FRY: variants seen among roughly 807,000 people sequenced by gnomAD.
FRY encodes the protein FRY microtubule binding protein, also known as protein furry homolog.
In FRY, 128 loss-of-function variants were observed where a neutral mutation model predicts 348.4. The observed-to-expected ratio is 0.37, with a 90% CI of 0.32 to 0.43. The LOEUF (loss-of-function observed/expected upper bound fraction) is 0.43. Ranked by LOEUF, FRY falls within the 20% of genes least tolerant of loss-of-function variation. FRY has a pLI of 1.00. For missense variants in FRY, 2,736 were observed against 3,695.2 expected (o/e 0.74, Z 6.73); for synonymous variants, 1,370 against 1,374.7 (o/e 1.00, Z 0.08).
In FRY at chr13:32,210,958, C is replaced by T. The variant is rs780815545; in HGVS notation, c.4515C>T (p.Asn1505=). The T allele has an allele frequency of 2.2e-5, 35 of 1,613,798 alleles. No individual in the cohort carries two copies. The Admixed American group carries it at 5.8e-4, about 27-fold the overall frequency. ...AGCTGCAGCAGACAGAGCCCGTGAA[C>T]CCCATCGTCCAGCATTGTGACAACC... ...LFELQQTEPV[N]PIVQHCDNPP... is the part of the protein sequence containing the mutation. The change falls in exon 34 of 61, where the codon AAC becomes AAT. Residue 1505 remains asparagine, a synonymous_variant. Coordinates refer to ENST00000542859, the MANE Select transcript of FRY (RefSeq NM_023037.3).
intron 59 of FRY, among the ~76,000 whole-genome samples, chr13:32,290,905 T>C (rs1378410671): frequency 6.6e-6 from 1 of 151,868 alleles, no homozygotes; most frequent in Non-Finnish European, 1.5e-5. Flanking sequence ...GCACCAAAGC[T>C]GAAACAGGGA....
At chr13:32,079,399 G>A (rs1875332731) in intron 2 of FRY, among the ~76,000 whole-genome samples, 1 of 152,000 alleles carries the variant, frequency 6.6e-6, no homozygotes, top group African/African-American at 2.4e-5. Context: ...AAAATCTTTT[G>A]TCCAGTTTTT....
In FRY at chr13:32,077,585, G is replaced by A. The variant is rs141027366; in HGVS notation, c.71-1249G>A. On this transcript the variant is annotated intron_variant, in intron 1 of 60. Coordinates refer to ENST00000542859, the MANE Select transcript of FRY (RefSeq NM_023037.3). ...AGGGTAGGAAATGTGAGGGAGAGTC[G>A]TCTGTGTAACAATGGGGACATGTTT... Among the ~76,000 whole-genome samples, 1,368 of 152,296 alleles carry A rather than the reference G, an allele frequency of 9.0e-3. 11 individuals carry two copies. Among genetic ancestry groups the A allele is most frequent in the Middle Eastern group, 0.034 (10 of 294 alleles).
Position 32,183,050 on chromosome 13 carries a change from T to A in FRY, c.3054+16T>A, listed in dbSNP as rs748075781. The A allele has an allele frequency of 6.5e-7, 1 of 1,533,564 alleles. No individual in the cohort carries two copies. The highest frequency in any genetic ancestry group is 9.0e-7 in the Non-Finnish European group (1 of 1,108,926). The allele number at this position is 1,533,564 out of a possible 1,614,324, so 95.0% of individuals were successfully genotyped here. A position where few individuals can be genotyped will look rare whatever the true frequency, so the allele number is the denominator to read the frequency against. On this transcript the variant is annotated intron_variant, in intron 24 of 60. Coordinates refer to ENST00000542859, the MANE Select transcript of FRY (RefSeq NM_023037.3). ...AAGACCAGAGGTAAGAATTTGAATT[T>A]AAAAAATTAAGGCTTGGTTTTTTGG... is the stretch of plus-strand genomic sequence containing the variant.
At chr13:32,136,132 T>C (rs895178658) in intron 10 of FRY, among the ~76,000 whole-genome samples, 1 of 152,216 alleles carries the variant, frequency 6.6e-6, no homozygotes, top group African/African-American at 2.4e-5. Context: ...TTTTATTTCA[T>C]GGCCCTTGAT....
At chr13:32,161,604 G>T (rs755629691) in intron 17 of FRY, among the ~76,000 whole-genome samples, 2 of 152,140 alleles carry the variant, frequency 1.3e-5, no homozygotes, top group Non-Finnish European at 2.9e-5. Context: ...CCTCTCGAAG[G>T]GAAGGTAGAG....
chr13:32,291,685 C>T (rs989113575), intron 59 of FRY, among the ~76,000 whole-genome samples: 32 of 152,152 alleles, frequency 2.1e-4, no homozygotes, highest in Non-Finnish European at 2.2e-4. Flanking sequence ...TGTGAGCCAC[C>T]GTGCCCCGCC....
At chr13:32,260,826 A>C (rs1191299538) in intron 51 of FRY, among the ~76,000 whole-genome samples, 2 of 149,234 alleles carry the variant, frequency 1.3e-5, no homozygotes, top group Non-Finnish European at 3.0e-5. Flanking sequence ...GTCTCAAAAG[A>C]AAAAAACAAA....
At position 32,249,597 on chromosome 13, in the gene FRY, G is replaced by T; in HGVS notation, c.7080G>T (p.Met2360Ile). 1 of 1,614,184 alleles carries T rather than the reference G, an allele frequency of 6.2e-7. No individual in the cohort carries two copies. The highest frequency in any genetic ancestry group is 8.5e-7 in the Non-Finnish European group (1 of 1,180,020). The change falls in exon 49 of 61, where the codon ATG becomes ATT. Residue 2360 changes from methionine to isoleucine, a missense_variant. Physicochemically the swap from Met to Ile is conservative, Grantham distance 10 (BLOSUM62 1). Coordinates refer to ENST00000542859, the MANE Select transcript of FRY (RefSeq NM_023037.3). ...SSGRDGKPRA[M>I]AVTRSTSSTS... ...GGCGTGATGGGAAGCCCAGGGCCAT[G>T]GCCGTCACCCGGAGCACATCTTCCA...
intron 12 of FRY, 62 bp downstream of exon 12, chr13:32,147,447 T>G: frequency 2.3e-6 from 2 of 888,098 alleles, no homozygotes; most frequent in East Asian, 5.0e-5. Flanking sequence ...GGTGTTTCTT[T>G]TATTACTACC....
chr13:32,040,181 T>C (rs143919727), intron 1 of FRY, among the ~76,000 whole-genome samples: 48 of 152,208 alleles, frequency 3.2e-4, no homozygotes, highest in African/African-American at 1.2e-3. Context: ...TAAAATTCCA[T>C]TGGAATGTTA....
chr13:32,142,888 G>A (rs1439912167), intron 11 of FRY, among the ~76,000 whole-genome samples: 1 of 152,208 alleles, frequency 6.6e-6, no homozygotes, highest in African/African-American at 2.4e-5. Context: ...TTCAAGTAAA[G>A]GATGTCTGTT....
chr13:32,152,122 A>C (rs1308337943), intron 14 of FRY, among the ~76,000 whole-genome samples: 1 of 152,234 alleles, frequency 6.6e-6, no homozygotes, highest in Non-Finnish European at 1.5e-5. Context: ...CAAATAGTGA[A>C]GAGAAATAAC....
chr13:32,274,396 T>C (rs960842639), intron 55 of FRY, among the ~76,000 whole-genome samples: 6 of 152,104 alleles, frequency 3.9e-5, no homozygotes, highest in African/African-American at 1.4e-4. Context: ...AGTAAACATA[T>C]ACAATTTTTA....
At chr13:32,262,978 G>C (rs553613934) in intron 53 of FRY, among the ~76,000 whole-genome samples, 1 of 152,122 alleles carries the variant, frequency 6.6e-6, no homozygotes, top group African/African-American at 2.4e-5. Flanking sequence ...TGCCAGATTC[G>C]CACAAAACTC....
chr13:32,056,541 C>A (rs911839064), intron 1 of FRY, among the ~76,000 whole-genome samples: 1 of 152,122 alleles, frequency 6.6e-6, no homozygotes, highest in Admixed American at 6.6e-5. Flanking sequence ...GGTTCCCTGC[C>A]CTTATTATGG....
At chr13:32,072,920 T>A (rs1220297265) in intron 1 of FRY, among the ~76,000 whole-genome samples, 1 of 152,210 alleles carries the variant, frequency 6.6e-6, no homozygotes, top group Non-Finnish European at 1.5e-5. Context: ...ACGATAAGAT[T>A]ACATTGATCT....
intron 17 of FRY, among the ~76,000 whole-genome samples, chr13:32,166,417 A>C (rs1274658309): frequency 1.3e-5 from 2 of 152,182 alleles, no homozygotes; most frequent in Non-Finnish European, 2.9e-5. Context: ...CTTGCTAGAG[A>C]AGGAGATCTA....
chr13:32,046,287 T>A (rs972521569), intron 1 of FRY, among the ~76,000 whole-genome samples: 2 of 152,214 alleles, frequency 1.3e-5, no homozygotes, highest in African/African-American at 4.8e-5. Context: ...ACTCAGCTGA[T>A]TTATTCAGCT....
Sources: gnomAD v4.1 joint callset for allele counts (sites outside exome capture counted in the v4.1 genomes callset) on GRCh38, gnomAD v4.1.1 for gene constraint, MANE v1.5 for transcripts, NCBI Gene and HGNC (gene_info 2026-07-23, HGNC 2026-07-21) for gene names.